The following DKK3 variants were observed in gnomAD, a reference collection of about 807,000 sequenced individuals.
DKK3 encodes the protein dickkopf-related protein 3.
In DKK3, 22 loss-of-function variants were observed where a neutral mutation model predicts 33.2. The observed-to-expected ratio is 0.66, with a 90% CI of 0.47 to 0.95. DKK3 has a LOEUF of 0.95. Among genes scored for constraint, DKK3 ranks in the 40% least tolerant of loss-of-function variants. The probability of loss-of-function intolerance (pLI) is 0.00; values close to 1 mark genes in which losing one functional copy is unlikely to be tolerated. For missense variants in DKK3, 398 were observed against 458.4 expected (o/e 0.87, Z 1.20); for synonymous variants, 194 against 188.8 (o/e 1.03, Z -0.23).
intron 6 of DKK3, 184 bp from the exon 7 acceptor site, chr11:11,964,870 A>C (rs1847548799): frequency 7.5e-7 from 1 of 1,327,114 alleles, no homozygotes; most frequent in South Asian, 1.5e-5. Flanking sequence ...AGGGAGGCTC[A>C]CTTTGGGAGA....
Position 11,965,943 on chromosome 11 carries a change from T to C in DKK3, c.696A>G (p.Thr232=), listed in dbSNP as rs751954257. The C allele has an allele frequency of 4.3e-6, 7 of 1,612,926 alleles. No homozygotes were observed. The Admixed American group carries it at 5.0e-5, about 12-fold the overall frequency. The change falls in exon 6 of 7, where the codon ACA becomes ACG. Residue 232 remains threonine, a synonymous_variant. Coordinates refer to ENST00000683431, the MANE Select transcript of DKK3 (RefSeq NM_001018057.2). ...FQRGLLFPVC[T]PLPVEGELCH... is the part of the protein sequence containing the mutation. Reference sequence around the variant, plus strand: ...AAAGCTCGCCCTCCACGGGCAGGGGTGTGCACACAGGGAACAGCAGGCCTG... The same window carrying C: ...AAAGCTCGCCCTCCACGGGCAGGGGCGTGCACACAGGGAACAGCAGGCCTG...
chr11:12,009,135 A>G (rs935546688), upstream of DKK3: 10 of 983,236 alleles, frequency 1.0e-5, no homozygotes, highest in Non-Finnish European at 1.1e-5. Context: ...TGAGCTCAGC[A>G]GAGTCGTCCC....
At chr11:11,977,709 A>C (rs1452999203) in intron 3 of DKK3, among the ~76,000 whole-genome samples, 1 of 152,156 alleles carries the variant, frequency 6.6e-6, no homozygotes, top group Non-Finnish European at 1.5e-5. Flanking sequence ...CCGAGTCCAC[A>C]GTTAGCACTC....
At chr11:11,977,102 T>C (rs1317125072) in intron 3 of DKK3, among the ~76,000 whole-genome samples, 1 of 152,102 alleles carries the variant, frequency 6.6e-6, no homozygotes, top group Non-Finnish European at 1.5e-5. Flanking sequence ...CTGGCTCGCC[T>C]GGGGCTGCTC....
chr11:12,000,185 TTTG>T (rs1848394124), intron 2 of DKK3, among the ~76,000 whole-genome samples: 1 of 8,406 alleles, frequency 1.2e-4, no homozygotes, highest in African/African-American at 1.5e-3. Context: ...GTGTTTTTTG[TTTG>T]TTTGTTTGTT....
intron 3 of DKK3, chr11:11,978,984 G>A (rs144229143): frequency 0.011 from 1,669 of 152,368 alleles, 8 homozygotes; most frequent in Middle Eastern, 0.02. Context: ...TCTCCTGCTA[G>A]GTCAGGCAGC....
rs143648009 is a variant in DKK3 at position 12,007,995 on chromosome 11, C to T, written c.213+375G>A. Among the ~76,000 whole-genome samples the T allele has an allele frequency of 2.9e-3, 443 of 152,344 alleles. 3 individuals are homozygous for T. The highest frequency in any genetic ancestry group is 4.7e-3 in the Non-Finnish European group (323 of 68,034). ...AGCTAGAACTTGGCGATGCCTGGAG[C>T]TTGTCCCGGGTTTCTGTGAAACCAC... On this transcript the variant is annotated intron_variant, in intron 1 of 6. Coordinates refer to ENST00000683431, the MANE Select transcript of DKK3 (RefSeq NM_001018057.2).
chr11:11,965,379 C>T (rs1201113579), intron 6 of DKK3, among the ~76,000 whole-genome samples: 1 of 152,196 alleles, frequency 6.6e-6, no homozygotes, highest in African/African-American at 2.4e-5. Context: ...GCTTGAGCCT[C>T]ATGCCTCATG....
At chr11:11,969,157 C>T (rs1176973473) in intron 3 of DKK3, among the ~76,000 whole-genome samples, 2 of 152,192 alleles carry the variant, frequency 1.3e-5, no homozygotes, top group Non-Finnish European at 2.9e-5. Flanking sequence ...AATCTGTCCA[C>T]CCCAAGGCCT....
At chr11:11,981,757 A>G (rs184966286) in intron 3 of DKK3, among the ~76,000 whole-genome samples, 2 of 152,234 alleles carry the variant, frequency 1.3e-5, no homozygotes, top group East Asian at 3.9e-4. Context: ...CTATGCCTCC[A>G]CTTTATAGCC....
chr11:11,990,187 C>A (rs1848158958), intron 3 of DKK3, among the ~76,000 whole-genome samples: 1 of 152,198 alleles, frequency 6.6e-6, no homozygotes, highest in Admixed American at 6.5e-5. Context: ...CAGTGGACAG[C>A]CACACACCTG....
At chr11:11,999,498 G>A (rs1215594425) in intron 2 of DKK3, among the ~76,000 whole-genome samples, 1 of 152,176 alleles carries the variant, frequency 6.6e-6, no homozygotes, top group East Asian at 1.9e-4. Context: ...AGTGGCAAGT[G>A]CCGATAATCC....
chr11:11,968,466 A>G lies in DKK3; in HGVS notation c.457T>C (p.Cys153Arg). The change falls in exon 4 of 7, where the codon TGT becomes CGT. Residue 153 changes from cysteine (C) to arginine (R), a missense_variant. Transcript: ENST00000683431. Reference protein sequence around the residue: ...RSHECIIDEDCGPSMYCQFAS... With the variant: ...RSHECIIDEDRGPSMYCQFAS... ...AACTGGCAGTACATGCTGGGCCCAC[A>G]GTCCTCGTCGATGATGCACTCCTGG... The G allele has an allele frequency of 1.9e-6, 3 of 1,613,304 alleles. No individual in the cohort carries two copies. The highest frequency in any genetic ancestry group is 2.5e-6 in the Non-Finnish European group (3 of 1,179,626).
intron 5 of DKK3, 146 bp downstream of exon 5, chr11:11,966,808 G>A (rs769839349): frequency 2.6e-6 from 3 of 1,132,908 alleles, no homozygotes; most frequent in Non-Finnish European, 3.8e-6. Flanking sequence ...GGCTGTGGGA[G>A]TGCAGCACAC....
In DKK3 at chr11:11,966,936, T is replaced by G; in HGVS notation, c.673+18A>C. The G allele has an allele frequency of 6.2e-7, 1 of 1,612,508 alleles. No homozygotes were observed. Among genetic ancestry groups the G allele is most frequent in the Non-Finnish European group, 8.5e-7 (1 of 1,179,100 alleles). On this transcript the variant is annotated intron_variant, in intron 5 of 6. Transcript: ENST00000683431. ...CTTGGGACAGGGTTTTTCCTGCATC[T>G]GAGGGGAGGCCACTCACCTCTCTGG...
intron 3 of DKK3, among the ~76,000 whole-genome samples, chr11:11,984,915 G>A (rs372758557): frequency 1.1e-4 from 16 of 152,254 alleles, no homozygotes; most frequent in African/African-American, 3.4e-4. Context: ...CAGTGAGGAC[G>A]GAAAGGGGTC....
At chr11:11,966,665 TAAG>T (rs930525520) in intron 5 of DKK3, among the ~76,000 whole-genome samples, 1 of 151,852 alleles carries the variant, frequency 6.6e-6, no homozygotes, top group African/African-American at 2.4e-5. Flanking sequence ...ACCTGGGAAA[TAAG>T]GAGTGGTGGG....
At chr11:12,008,785 G>T (rs1848599717), upstream of DKK3, 1 of 1,183,984 alleles carries the variant, frequency 8.4e-7, no homozygotes, top group Non-Finnish European at 1.0e-6. The surrounding 1 kb of genome is among the most constrained non-coding windows in gnomAD (Gnocchi z 4.6). Context: ...GAAAAGACGC[G>T]ACCCCACCCG....
intron 3 of DKK3, among the ~76,000 whole-genome samples, chr11:11,974,995 A>T (rs56411834): frequency 1.3e-5 from 2 of 152,136 alleles, no homozygotes; most frequent in African/African-American, 2.4e-5. Flanking sequence ...ATGGAAGAAA[A>T]GCTCAGATTT....
Sources: gnomAD v4.1 joint callset for allele counts (sites outside exome capture counted in the v4.1 genomes callset) on GRCh38, gnomAD v4.1.1 for gene constraint, Gnocchi (gnomAD v3.1) non-coding constraint, MANE v1.5 for transcripts, NCBI Gene and HGNC (gene_info 2026-07-23, HGNC 2026-07-21) for gene names.